Variants in RARB observed in about 807,000 individuals in gnomAD.
RARB encodes the protein retinoic acid receptor beta, also known as HBV-activated protein.
RARB carries 17 observed loss-of-function variants against 51.9 expected under a neutral mutation model. That is an observed-to-expected ratio of 0.33 (90% CI 0.22 to 0.49). RARB has a LOEUF of 0.49. Among genes scored for constraint, RARB ranks in the 20% least tolerant of loss-of-function variants. RARB has a pLI of 0.99. For missense variants in RARB, 369 were observed against 550.8 expected (o/e 0.67, Z 3.30); for synonymous variants, 215 against 195.4 (o/e 1.10, Z -0.84).
chr3:24,905,190 C>T (rs1694832396), intron 2 of RARB, among the ~76,000 whole-genome samples: 1 of 152,150 alleles, frequency 6.6e-6, no homozygotes, highest in Admixed American at 6.6e-5. Context: ...GAATCTGTGA[C>T]TCATTTATTT....
chr3:24,882,402 A>G (rs1304663378), intron 2 of RARB, among the ~76,000 whole-genome samples: 2 of 152,232 alleles, frequency 1.3e-5, no homozygotes, highest in Non-Finnish European at 2.9e-5. Context: ...ACTAGGTATT[A>G]TAAGCAATCT....
chr3:25,159,882 A>C (rs1004546927), intron 4 of RARB, among the ~76,000 whole-genome samples: 1 of 152,182 alleles, frequency 6.6e-6, no homozygotes. Context: ...AAACACCCAC[A>C]AAGAGAATAA....
At chr3:25,312,045 T>A (rs1380419282) in intron 5 of RARB, among the ~76,000 whole-genome samples, 1 of 152,158 alleles carries the variant, frequency 6.6e-6, no homozygotes, top group Admixed American at 6.5e-5. Context: ...AAAATATGGG[T>A]TCTTTGGGGG....
rs375925700 is a variant in RARB at position 25,247,084 on chromosome 3, G to C, written c.178+72509G>C. Among the ~76,000 whole-genome samples the C allele has an allele frequency of 6.1e-4, 93 of 152,312 alleles. 2 individuals are homozygous for C. In the South Asian group the frequency reaches 0.016, roughly 26 times the overall value. On this transcript the variant is annotated intron_variant, in intron 5 of 11. Coordinates refer to the RARB transcript ENST00000383772. ...GCTTTGTGGAGCTGCAGTGGGCTCC[G>C]CCCAGTCAGAACTAGCTGGGAGCTT... is the stretch of plus-strand genomic sequence containing the variant.
chr3:24,953,704 T>C (rs1695948308), intron 2 of RARB, among the ~76,000 whole-genome samples: 1 of 152,190 alleles, frequency 6.6e-6, no homozygotes, highest in Non-Finnish European at 1.5e-5. Flanking sequence ...AGATTTTTTT[T>C]CAAAAACAAT....
intron 1 of RARB, among the ~76,000 whole-genome samples, chr3:24,839,719 A>AGGGGG (rs58994202): frequency 2.4e-5 from 1 of 41,362 alleles, no homozygotes; most frequent in Non-Finnish European, 5.1e-5. Flanking sequence ...AAAAAAAAAA[A>AGGGGG]GGGGGGGGGG....
At chr3:25,185,444 A>G (rs1248286902) in intron 5 of RARB, among the ~76,000 whole-genome samples, 5 of 152,146 alleles carry the variant, frequency 3.3e-5, no homozygotes, top group African/African-American at 1.2e-4. Flanking sequence ...AGTGATGTTT[A>G]TAATAATGAA....
At chr3:24,940,395 C>T (rs1034847021) in intron 2 of RARB, among the ~76,000 whole-genome samples, 14 of 151,986 alleles carry the variant, frequency 9.2e-5, no homozygotes, top group African/African-American at 2.4e-4. Flanking sequence ...AAGGGAGGAA[C>T]GATGTCTTTT....
chr3:24,932,721 A>G (rs1320929491), intron 2 of RARB, among the ~76,000 whole-genome samples: 1 of 152,116 alleles, frequency 6.6e-6, no homozygotes, highest in Non-Finnish European at 1.5e-5. Flanking sequence ...CTGTTAATAG[A>G]GGTTTTGATA....
chr3:25,510,435 G>A (rs547903298), intron 3 of RARB, among the ~76,000 whole-genome samples: 3 of 152,000 alleles, frequency 2.0e-5, no homozygotes, highest in Admixed American at 6.6e-5. Flanking sequence ...ACCAGCCTGG[G>A]CAACACAGTG....
intron 2 of RARB, among the ~76,000 whole-genome samples, chr3:24,886,441 A>C (rs1703267506): frequency 8.5e-6 from 1 of 117,304 alleles, no homozygotes; most frequent in African/African-American, 3.4e-5. Context: ...AGTATCTGTA[A>C]ACAAACTTTT....
At chr3:24,872,397 T>C (rs939456853) in intron 2 of RARB, among the ~76,000 whole-genome samples, 5 of 152,192 alleles carry the variant, frequency 3.3e-5, no homozygotes, top group Non-Finnish European at 7.4e-5. Flanking sequence ...TTCTCTATTA[T>C]TCCATTTTAC....
intron 3 of RARB, among the ~76,000 whole-genome samples, chr3:25,111,731 A>G (rs1302659973): frequency 6.6e-6 from 1 of 151,824 alleles, no homozygotes; most frequent in Non-Finnish European, 1.5e-5. Flanking sequence ...GGCACCCGCC[A>G]CCATGCCCAG....
At chr3:25,082,256 T>C (rs1234694475) in intron 3 of RARB, among the ~76,000 whole-genome samples, 1 of 152,124 alleles carries the variant, frequency 6.6e-6, no homozygotes, top group Non-Finnish European at 1.5e-5. Context: ...TGTTTATATG[T>C]TATATTTATA....
At chr3:25,454,692 A>AT (rs1336318318) in intron 1 of RARB, among the ~76,000 whole-genome samples, 1 of 152,096 alleles carries the variant, frequency 6.6e-6, no homozygotes, top group African/African-American at 2.4e-5. Context: ...AAAGAAAAAA[A>AT]AAAAAGTATA....
At chr3:24,873,454 TTAATA>T (rs1179257217) in intron 2 of RARB, among the ~76,000 whole-genome samples, 1 of 152,086 alleles carries the variant, frequency 6.6e-6, no homozygotes, top group Non-Finnish European at 1.5e-5. Context: ...ATCCTAAACA[TTAATA>T]TATTATTCCA....
intron 5 of RARB, among the ~76,000 whole-genome samples, chr3:25,217,980 T>A (rs888205531): frequency 4.0e-5 from 6 of 151,848 alleles, no homozygotes; most frequent in Admixed American, 6.6e-5. Context: ...CTCTCTTTTT[T>A]TAAAAAAAAT....
chr3:24,873,544 G>A (rs768585234), intron 2 of RARB, among the ~76,000 whole-genome samples: 19 of 151,668 alleles, frequency 1.3e-4, no homozygotes, highest in Non-Finnish European at 2.5e-4. Flanking sequence ...GGACCAAATG[G>A]ATTGTGGGTT....
chr3:25,013,034 G>C (rs1303337330), intron 2 of RARB, among the ~76,000 whole-genome samples: 1 of 152,088 alleles, frequency 6.6e-6, no homozygotes, highest in East Asian at 1.9e-4. Flanking sequence ...GCACATGTAA[G>C]GAATCTCAAT....
Sources: allele counts gnomAD v4.1 joint callset (sites outside exome capture counted in the v4.1 genomes callset), GRCh38; gene constraint gnomAD v4.1.1; transcripts MANE v1.5; gene names NCBI Gene and HGNC (gene_info 2026-07-23, HGNC 2026-07-21).